Variants in GPC6 observed in about 807,000 individuals in gnomAD.
GPC6 encodes the protein glypican-6.
Under a neutral mutation model 55.2 loss-of-function variants are expected in GPC6, and 14 were observed. That is an observed-to-expected ratio of 0.25 (90% CI 0.17 to 0.40). GPC6 has a LOEUF of 0.40. Among genes scored for constraint, GPC6 ranks in the 10% least tolerant of loss-of-function variants. The pLI is 1.00. For synonymous variants in GPC6, 278 were observed against 259.6 expected, an observed-to-expected ratio of 1.07 and a Z score of -0.68; for missense variants, 641 against 708.5, an observed-to-expected ratio of 0.90 and a Z score of 1.08.
intron 4 of GPC6, among the ~76,000 whole-genome samples, chr13:94,232,892 G>A (rs1252399671): frequency 6.6e-6 from 1 of 151,740 alleles, no homozygotes; most frequent in Non-Finnish European, 1.5e-5. Flanking sequence ...AATAAGTCAG[G>A]CACCAGAATG....
chr13:93,274,465 C>T (rs940588610), intron 1 of GPC6, among the ~76,000 whole-genome samples: 6 of 152,156 alleles, frequency 3.9e-5, no homozygotes, highest in Non-Finnish European at 5.9e-5. Flanking sequence ...CAAAAGAGGA[C>T]ATGATCCTTT....
intron 1 of GPC6, among the ~76,000 whole-genome samples, chr13:93,298,905 T>TG (rs1348294883): frequency 6.6e-6 from 1 of 151,972 alleles, no homozygotes; most frequent in African/African-American, 2.4e-5. Context: ...TTAGGGTTTT[T>TG]TTTTTTTTTG....
chr13:94,141,077 A>T (rs1448344250), intron 4 of GPC6, among the ~76,000 whole-genome samples: 1 of 152,156 alleles, frequency 6.6e-6, no homozygotes, highest in Non-Finnish European at 1.5e-5. Context: ...CTGTGGAAAC[A>T]CAGTCTGAAG....
At chr13:93,681,216 T>C (rs1227412635) in intron 2 of GPC6, among the ~76,000 whole-genome samples, 1 of 152,198 alleles carries the variant, frequency 6.6e-6, no homozygotes, top group Non-Finnish European at 1.5e-5. Flanking sequence ...TTTAATGGTA[T>C]TGCAGTATGT....
intron 4 of GPC6, among the ~76,000 whole-genome samples, chr13:94,070,142 G>A (rs976905282): frequency 3.3e-5 from 5 of 152,184 alleles, no homozygotes; most frequent in Non-Finnish European, 5.9e-5. Flanking sequence ...AGGCAAGGAG[G>A]AGCAAGTTAC....
intron 3 of GPC6, among the ~76,000 whole-genome samples, chr13:93,879,537 T>G (rs1398495376): frequency 3.3e-5 from 5 of 151,770 alleles, no homozygotes; most frequent in Non-Finnish European, 4.4e-5. Context: ...CTGGATCCCT[T>G]CCTTACACCT....
intron 3 of GPC6, among the ~76,000 whole-genome samples, chr13:93,888,541 A>C (rs992265366): frequency 2.0e-5 from 3 of 152,116 alleles, no homozygotes; most frequent in African/African-American, 7.2e-5. Context: ...TAATTATCTG[A>C]TCATGTGGCT....
At chr13:94,302,515 A>T (rs925823003) in intron 5 of GPC6, among the ~76,000 whole-genome samples, 1 of 152,234 alleles carries the variant, frequency 6.6e-6, no homozygotes, top group East Asian at 1.9e-4. Context: ...TAAACATCAA[A>T]TTATTAATTT....
At position 93,735,524 on chromosome 13, in the gene GPC6, A is replaced by G. The variant is rs531643995; in HGVS notation, c.320-94630A>G. ...TGACAGAGCAAGACTCCATCTCAAA[A>G]AAAAAAAAAAGAAGAAGAAGATGTC... On this transcript the variant is annotated intron_variant, in intron 2 of 8. Coordinates refer to ENST00000377047, the MANE Select transcript of GPC6 (RefSeq NM_005708.5). 2.6e-4 allele frequency among the ~76,000 whole-genome samples: 39 copies of G among 151,976 alleles called. 1 individual carries two copies. In the South Asian group the frequency reaches 6.4e-3, roughly 25 times the overall value.
At chr13:93,237,538 T>C (rs1876280301) in intron 1 of GPC6, among the ~76,000 whole-genome samples, 1 of 152,192 alleles carries the variant, frequency 6.6e-6, no homozygotes, top group Non-Finnish European at 1.5e-5. Context: ...CTTTTGATTA[T>C]TTCCTTTGCT....
At chr13:94,201,897 C>T (rs1212807146) in intron 4 of GPC6, among the ~76,000 whole-genome samples, 1 of 152,008 alleles carries the variant, frequency 6.6e-6, no homozygotes. Flanking sequence ...TGCAGTGAGC[C>T]GAGATTGTGC....
intron 1 of GPC6, among the ~76,000 whole-genome samples, chr13:93,441,596 C>T (rs1037117994): frequency 7.9e-5 from 12 of 152,024 alleles, no homozygotes; most frequent in Non-Finnish European, 1.3e-4. Context: ...GATATTAGCC[C>T]TTTGTCAGAT....
chr13:93,982,095 C>T (rs9524300), intron 3 of GPC6, among the ~76,000 whole-genome samples: 30,631 of 151,960 alleles, frequency 0.2, 3,306 homozygotes, highest in East Asian at 0.39. Context: ...TTTTCTATGG[C>T]GTTGAACAAG....
chr13:93,280,170 G>C (rs147569517), intron 1 of GPC6, among the ~76,000 whole-genome samples: 11 of 151,502 alleles, frequency 7.3e-5, no homozygotes, highest in East Asian at 5.8e-4. Context: ...GTTCACATGT[G>C]GGGGGGGCCA....
At chr13:93,663,814 T>C (rs902095830) in intron 2 of GPC6, among the ~76,000 whole-genome samples, 13 of 152,188 alleles carry the variant, frequency 8.5e-5, no homozygotes, top group African/African-American at 3.1e-4. Flanking sequence ...GTGCTAGATG[T>C]ATAGGTAAAA....
At chr13:94,279,572 G>T (rs905157730) in intron 4 of GPC6, among the ~76,000 whole-genome samples, 7 of 152,144 alleles carry the variant, frequency 4.6e-5, no homozygotes, top group Middle Eastern at 3.4e-3. Flanking sequence ...TTTCTGATGT[G>T]GGCATTTAGT....
At position 93,386,439 on chromosome 13, in the gene GPC6, A is replaced by T. The variant is rs536740533; in HGVS notation, c.160+158823A>T. On this transcript the variant is annotated intron_variant, in intron 1 of 8. Coordinates refer to ENST00000377047, the MANE Select transcript of GPC6 (RefSeq NM_005708.5). ...GGAAGAAGCATGGCCCACGGGAACC[A>T]ATCTTGTTTCATGTTAGTGTCTACA... Among the ~76,000 whole-genome samples the T allele has an allele frequency of 7.0e-4, 107 of 152,264 alleles. 1 individual carries two copies. The South Asian group carries it at 0.021, about 30-fold the overall frequency.
At chr13:93,460,203 GC>G (rs1363161839) in intron 1 of GPC6, among the ~76,000 whole-genome samples, 2 of 152,124 alleles carry the variant, frequency 1.3e-5, no homozygotes, top group Non-Finnish European at 2.9e-5. Context: ...TGGATTTCCT[GC>G]CCTTGAGGCT....
intron 8 of GPC6, among the ~76,000 whole-genome samples, chr13:94,399,115 T>C (rs1184269970): frequency 6.6e-6 from 1 of 152,184 alleles, no homozygotes; most frequent in Non-Finnish European, 1.5e-5. Flanking sequence ...GAGTCTCAGG[T>C]TCCTCTTCTA....
Sources: gnomAD v4.1 joint callset for allele counts (sites outside exome capture counted in the v4.1 genomes callset) on GRCh38, gnomAD v4.1.1 for gene constraint, MANE v1.5 for transcripts, NCBI Gene and HGNC (gene_info 2026-07-23, HGNC 2026-07-21) for gene names.